YIPF3: variants seen among roughly 807,000 people sequenced by gnomAD.
YIPF3 encodes the protein protein YIPF3.
A neutral mutation model predicts 40.3 loss-of-function variants in YIPF3; 18 were observed. That is an observed-to-expected ratio of 0.45 (90% CI 0.31 to 0.66). The LOEUF (loss-of-function observed/expected upper bound fraction) is 0.66, where lower values mean the gene tolerates loss of function less well. Ranked by LOEUF, YIPF3 falls within the 30% of genes least tolerant of loss-of-function variation. YIPF3 has a pLI of 0.07. For synonymous variants in YIPF3, 190 were observed against 179.6 expected (o/e 1.06, Z -0.46); for missense variants, 406 against 452.2 (o/e 0.90, Z 0.93).
chr6:43,516,653 G>A, intron 1 of YIPF3, 74 bp downstream of exon 1: 3 of 1,552,480 alleles, frequency 1.9e-6, no homozygotes, highest in African/African-American at 2.7e-5. Flanking sequence ...CAGGCCCAGA[G>A]GGGGAATCCC....
In YIPF3 at chr6:43,512,560, C is replaced by CT. The variant is rs760167696; in HGVS notation, c.783dup (p.Ala262SerfsTer195). 1 of 1,609,990 alleles carries CT rather than the reference C, an allele frequency of 6.2e-7. No individual in the cohort carries two copies. The highest frequency in any genetic ancestry group is 8.5e-7 in the Non-Finnish European group (1 of 1,178,828). ...CCCACGGTCCGAGACACCAACACTG[C>CT]TACCTAGGACCATGAGAATACAGCT... On this transcript the variant is annotated frameshift_variant, in exon 8 of 9. Coordinates refer to ENST00000372422, the MANE Select transcript of YIPF3 (RefSeq NM_015388.4). LOFTEE classifies it high-confidence loss of function.
chr6:43,516,382 TA>T (rs1792831912), intron 1 of YIPF3: 2 of 690,840 alleles, frequency 2.9e-6, no homozygotes, highest in African/African-American at 3.6e-5. Context: ...CCTTCTTTCC[TA>T]AGCCCCAAAC....
intron 4 of YIPF3, 61 bp from the exon 5 acceptor site, chr6:43,513,512 C>A: frequency 6.2e-7 from 1 of 1,610,846 alleles, no homozygotes; most frequent in Admixed American, 1.7e-5. Context: ...TTATGGCTTC[C>A]CAGGATTTGC....
In YIPF3 at chr6:43,511,922, A is replaced by T. The variant is rs1327402176; in HGVS notation, c.*245T>A. 3.7e-6 allele frequency: 2 copies of T among 535,832 alleles called. No homozygotes were observed. The highest frequency in any genetic ancestry group is 7.3e-5 in the Admixed American group (2 of 27,254). 33.2% of individuals were successfully genotyped at this position (535,832 alleles called of 1,614,324 possible). On this transcript the variant is annotated 3_prime_UTR_variant, in exon 9 of 9. Transcript: ENST00000372422. ...AAGAGGAAGGAAGGGGTAGGTGGGGAGGGGTTCTCAAAGGAGCTGACCCAT... is the reference window on the plus strand; with the variant it reads ...AAGAGGAAGGAAGGGGTAGGTGGGGTGGGGTTCTCAAAGGAGCTGACCCAT...
At chr6:43,516,340 C>G (rs763764269) in intron 1 of YIPF3, 28 of 906,784 alleles carry the variant, frequency 3.1e-5, no homozygotes, top group Non-Finnish European at 4.3e-5. Flanking sequence ...TGTTACCTAT[C>G]AAAGACTAAA....
intron 3 of YIPF3, 196 bp from the exon 4 acceptor site, chr6:43,513,829 T>A: frequency 2.0e-6 from 1 of 502,112 alleles, no homozygotes; most frequent in Non-Finnish European, 3.4e-6. Flanking sequence ...CTAAAGTTAC[T>A]TCCAGGAAGG....
At chr6:43,515,438 G>A (rs1339108355) in intron 3 of YIPF3, 157 bp downstream of exon 3, 8 of 731,446 alleles carry the variant, frequency 1.1e-5, no homozygotes, top group African/African-American at 1.7e-5. Flanking sequence ...AAGATGGTGT[G>A]CTATTATTAC....
intron 3 of YIPF3, among the ~76,000 whole-genome samples, chr6:43,514,956 G>T (rs185033580): frequency 6.6e-6 from 1 of 152,096 alleles, no homozygotes; most frequent in East Asian, 1.9e-4. Flanking sequence ...AAGGATAGCA[G>T]TGGTGAAGTG....
In YIPF3 at chr6:43,514,715, A is replaced by G. The variant is rs143013945; in HGVS notation, c.395+880T>C. ...TAGTTTAGCGTCTGGCACAGAGCAA[A>G]TGCTTAATAAATACCTGCTGAGTGG... On this transcript the variant is annotated intron_variant, in intron 3 of 8. Transcript: ENST00000372422. 3.7e-4 allele frequency among the ~76,000 whole-genome samples: 57 copies of G among 152,362 alleles called. 1 individual carries two copies. The highest frequency in any genetic ancestry group is 3.4e-3 in the Middle Eastern group (1 of 294).
At chr6:43,513,516 G>A (rs1792713291) in intron 4 of YIPF3, 65 bp from the exon 5 acceptor site, 1 of 1,610,558 alleles carries the variant, frequency 6.2e-7, no homozygotes, top group Non-Finnish European at 8.5e-7. Context: ...GGCTTCCCAG[G>A]ATTTGCCTGG....
chr6:43,512,922 T>C, intron 6 of YIPF3, 48 bp from the exon 7 acceptor site: 2 of 1,599,836 alleles, frequency 1.3e-6, no homozygotes, highest in East Asian at 2.2e-5. Context: ...TTGGGCTGCT[T>C]TCTGGCCCCT....
chr6:43,516,880 G>A lies in YIPF3; in HGVS notation c.-73C>T, dbSNP rs1440094852. 5 of 1,484,890 alleles carry A rather than the reference G, an allele frequency of 3.4e-6. No individual in the cohort carries two copies. The highest frequency in any genetic ancestry group is 3.4e-4 in the Middle Eastern group (2 of 5,830). The allele number at this position is 1,484,890 out of a possible 1,614,324, so 92.0% of individuals were successfully genotyped here. A position where few individuals can be genotyped will look rare whatever the true frequency, so the allele number is the denominator to read the frequency against. ...GGAGTGGGCAAGATGTGGGCCTCCG[G>A]AAGGTAGACGTCCAGGGTCGAGGAG... On this transcript the variant is annotated 5_prime_UTR_variant, in exon 1 of 9. Transcript: ENST00000372422.
chr6:43,516,578 A>T, intron 1 of YIPF3, 149 bp downstream of exon 1: 2 of 927,062 alleles, frequency 2.2e-6, no homozygotes, highest in Non-Finnish European at 3.2e-6. Flanking sequence ...GGTCAATGTT[A>T]ATCCCACTGA....
intron 1 of YIPF3, 118 bp downstream of exon 1, chr6:43,516,609 C>A (rs1319321550): frequency 6.5e-6 from 8 of 1,233,800 alleles, no homozygotes; most frequent in African/African-American, 1.5e-5. Context: ...CACGAAGACC[C>A]AAAGAAGAGA....
At position 43,512,827 on chromosome 6, in the gene YIPF3, A is replaced by G. The variant is rs1792700688; in HGVS notation, c.714T>C (p.Asn238=). Residue 238 remains asparagine (N), a synonymous_variant, in exon 7 of 9, where the codon AAT becomes AAC. Coordinates refer to ENST00000372422, the MANE Select transcript of YIPF3 (RefSeq NM_015388.4). ...GGTAGAAGAGGGCGTGGAGGTGGAT[A>G]TTATAGGTGATGAACAGGACAATGC... is the stretch of plus-strand genomic sequence containing the variant. The part of the protein sequence containing the change: ...GHCIVLFITY[N]IHLHALFYLF... 6.2e-7 allele frequency: 1 copy of G among 1,613,988 alleles called. No homozygotes were observed. The highest frequency in any genetic ancestry group is 1.3e-5 in the African/African-American group (1 of 74,924).
rs1792852139 is a variant in YIPF3, at chr6:43,516,810, C to G, written c.-3G>C. ...GCCGGCGCCGCTGTAGTTGCCATGTCCCTTGAGGGCTCCCGTCGCTGAAAC... is the reference window on the plus strand; with the variant it reads ...GCCGGCGCCGCTGTAGTTGCCATGTGCCTTGAGGGCTCCCGTCGCTGAAAC... On this transcript the variant is annotated 5_prime_UTR_variant, in exon 1 of 9. Coordinates refer to ENST00000372422, the MANE Select transcript of YIPF3 (RefSeq NM_015388.4). 1 of 1,569,268 alleles carries G rather than the reference C, an allele frequency of 6.4e-7. No individual in the cohort carries two copies. The highest frequency in any genetic ancestry group is 1.4e-5 in the African/African-American group (1 of 73,572).
At chr6:43,513,788 G>T in intron 3 of YIPF3, 155 bp from the exon 4 acceptor site, 2 of 630,880 alleles carry the variant, frequency 3.2e-6, no homozygotes, top group Non-Finnish European at 5.1e-6. Flanking sequence ...AGTAAAGACA[G>T]ATAGGGAATG....
In YIPF3 at chr6:43,512,246, A is replaced by G. The variant is rs780608079; in HGVS notation, c.974T>C (p.Met325Thr). Reference protein sequence around the residue: ...IQRVPRDIPAMLPAARLPTTV... With the variant: ...IQRVPRDIPATLPAARLPTTV... ...GGTGGGAAGCCGAGCAGCAGGGAGC[A>G]TGGCAGGGATGTCTCTGGGGACCCT... The change falls in exon 9 of 9, where the codon ATG (methionine) becomes ACG (threonine). Residue 325 changes from methionine to threonine, a missense_variant. Transcript: ENST00000372422. 6.2e-7 allele frequency: 1 copy of G among 1,613,812 alleles called. No homozygotes were observed. The highest frequency in any genetic ancestry group is 1.1e-5 in the South Asian group (1 of 91,044).
intron 6 of YIPF3, 38 bp from the exon 7 acceptor site, chr6:43,512,912 T>C (rs761001771): frequency 4.4e-6 from 7 of 1,603,842 alleles, no homozygotes; most frequent in Middle Eastern, 1.7e-4. Flanking sequence ...ATCATTCAGG[T>C]TGGGCTGCTT....
Sources: gnomAD v4.1 joint callset for allele counts (sites outside exome capture counted in the v4.1 genomes callset) on GRCh38, gnomAD v4.1.1 for gene constraint, MANE v1.5 for transcripts, NCBI Gene and HGNC (gene_info 2026-07-23, HGNC 2026-07-21) for gene names.